The following FRAS1 variants were observed in gnomAD, a reference collection of about 807,000 sequenced individuals.
The protein encoded by FRAS1 is extracellular matrix organizing protein FRAS1.
A neutral mutation model predicts 435.2 loss-of-function variants in FRAS1; 290 were observed. That is an observed-to-expected ratio of 0.67 (90% CI 0.61 to 0.73). The LOEUF is 0.73. FRAS1 is among the 30% of genes least tolerant of loss of function. The pLI, the probability that FRAS1 is intolerant of heterozygous loss-of-function variation, is 0.00. For missense variants in FRAS1, 4,860 were observed against 5,001.5 expected (o/e 0.97, Z 0.85); for synonymous variants, 1,800 against 1,851.0 (o/e 0.97, Z 0.71).
intron 2 of FRAS1, among the ~76,000 whole-genome samples, chr4:78,081,931 T>G (rs1740915183): frequency 6.6e-6 from 1 of 152,152 alleles, no homozygotes; most frequent in African/African-American, 2.4e-5. Context: ...GTGATTAATT[T>G]TCTTTGGTTT....
At chr4:78,539,500 A>C (rs1487154423) in intron 73 of FRAS1, 60 bp downstream of exon 73, 1 of 1,408,452 alleles carries the variant, frequency 7.1e-7, no homozygotes, top group East Asian at 2.4e-5. Flanking sequence ...CTTGAAAAAA[A>C]AAAAAAAAAG....
At chr4:78,087,701 A>C (rs1741264852) in intron 2 of FRAS1, among the ~76,000 whole-genome samples, 1 of 152,202 alleles carries the variant, frequency 6.6e-6, no homozygotes, top group African/African-American at 2.4e-5. Context: ...TAAAATACCT[A>C]GGAATCCAAC....
chr4:78,251,422 G>T (rs1391306359), intron 4 of FRAS1, among the ~76,000 whole-genome samples: 1 of 152,156 alleles, frequency 6.6e-6, no homozygotes. Context: ...TATAGTCAAG[G>T]TGTACAACAC....
At chr4:78,171,120 C>T (rs1721534670) in intron 2 of FRAS1, among the ~76,000 whole-genome samples, 1 of 152,080 alleles carries the variant, frequency 6.6e-6, no homozygotes, top group South Asian at 2.1e-4. Context: ...TCTCTTTTTG[C>T]TCTGAATTGA....
intron 66 of FRAS1, among the ~76,000 whole-genome samples, chr4:78,516,608 T>G (rs979362271): frequency 7.9e-5 from 12 of 152,216 alleles, no homozygotes; most frequent in African/African-American, 2.9e-4. Flanking sequence ...ACTGGTAATC[T>G]ATAAAGAAAA....
At chr4:78,094,104 G>GTTTTTTTTTTTTTTTTTTT (rs71214395) in intron 2 of FRAS1, among the ~76,000 whole-genome samples, 1 of 106,616 alleles carries the variant, frequency 9.4e-6, no homozygotes, top group Non-Finnish European at 1.9e-5. Context: ...GAATAACCAA[G>GTTTTTTTTTTTTTTTTTTT]TTTTTTTTTT....
At chr4:78,210,763 C>T (rs1352429723) in intron 2 of FRAS1, among the ~76,000 whole-genome samples, 3 of 152,192 alleles carry the variant, frequency 2.0e-5, no homozygotes, top group Non-Finnish European at 4.4e-5. Flanking sequence ...TATATCTATA[C>T]AATCATCACA....
chr4:78,445,287 C>A (rs1046112535), intron 41 of FRAS1, among the ~76,000 whole-genome samples: 1 of 152,018 alleles, frequency 6.6e-6, no homozygotes, highest in Non-Finnish European at 1.5e-5. Flanking sequence ...TCATTTGATT[C>A]CTTTTGGAAA....
chr4:78,274,314 T>C (rs1339378242), intron 9 of FRAS1, among the ~76,000 whole-genome samples: 2 of 152,180 alleles, frequency 1.3e-5, no homozygotes, highest in Non-Finnish European at 2.9e-5. Flanking sequence ...CTCTATCTCC[T>C]TCAGTTCTGC....
chr4:78,116,820 G>T (rs943780697), intron 2 of FRAS1, among the ~76,000 whole-genome samples: 9 of 152,164 alleles, frequency 5.9e-5, no homozygotes, highest in African/African-American at 2.2e-4. Flanking sequence ...GGAGCACTTA[G>T]CCCATTTACA....
At chr4:78,181,685 C>G in intron 2 of FRAS1, 1 of 1,609,564 alleles carries the variant, frequency 6.2e-7, no homozygotes, top group South Asian at 1.1e-5. Flanking sequence ...AATTATTTTC[C>G]CCTCACCCTG....
At chr4:78,441,119 A>T in intron 40 of FRAS1, 43 bp from the exon 41 acceptor site, 2 of 1,605,830 alleles carry the variant, frequency 1.2e-6, no homozygotes, top group Non-Finnish European at 8.5e-7. Context: ...TACTGTGGTT[A>T]TGTGAAATCA....
At chr4:78,321,541 C>G (rs183959289) in intron 18 of FRAS1, among the ~76,000 whole-genome samples, 1 of 152,220 alleles carries the variant, frequency 6.6e-6, no homozygotes, top group Non-Finnish European at 1.5e-5. Context: ...TATACAGGCA[C>G]CTTTAAAAAG....
intron 2 of FRAS1, among the ~76,000 whole-genome samples, chr4:78,075,868 A>C (rs1740612845): frequency 6.6e-6 from 1 of 152,186 alleles, no homozygotes; most frequent in South Asian, 2.1e-4. Context: ...TAAACGCATA[A>C]GTGGCAAAGG....
intron 72 of FRAS1, among the ~76,000 whole-genome samples, 159 bp from the exon 73 acceptor site, chr4:78,539,135 G>A (rs1721973410): frequency 6.6e-6 from 1 of 151,996 alleles, no homozygotes; most frequent in African/African-American, 2.4e-5. Flanking sequence ...ACCATATCAG[G>A]CAGCCACTGA....
chr4:78,160,915 G>A (rs1721110305), intron 2 of FRAS1, among the ~76,000 whole-genome samples: 1 of 152,108 alleles, frequency 6.6e-6, no homozygotes, highest in Non-Finnish European at 1.5e-5. Context: ...GAGGTGGGTG[G>A]ATCACTGAAG....
intron 2 of FRAS1, among the ~76,000 whole-genome samples, chr4:78,230,157 GATCAGGTACAAGCTAATC>G (rs1481920275): frequency 6.6e-6 from 1 of 152,194 alleles, no homozygotes; most frequent in African/African-American, 2.4e-5. Flanking sequence ...TGGAGGAGGA[GATCAGGTACAAGCTAATC>G]ATGCCAGGAT....
intron 39 of FRAS1, 26 bp from the exon 40 acceptor site, chr4:78,438,876 A>G (rs1734538209): frequency 6.3e-7 from 1 of 1,587,076 alleles, no homozygotes; most frequent in Non-Finnish European, 8.6e-7. Flanking sequence ...TGGCTTATTC[A>G]TTTGATTCTT....
chr4:78,459,221 T>C (rs1719294087), intron 47 of FRAS1, among the ~76,000 whole-genome samples: 1 of 152,242 alleles, frequency 6.6e-6, no homozygotes, highest in Non-Finnish European at 1.5e-5. Flanking sequence ...TATATGGTAC[T>C]TGTCATGTTA....
Sources: gnomAD v4.1 joint callset for allele counts (sites outside exome capture counted in the v4.1 genomes callset) on GRCh38, gnomAD v4.1.1 for gene constraint, MANE v1.5 for transcripts, NCBI Gene and HGNC (gene_info 2026-07-23, HGNC 2026-07-21) for gene names.